PCDHGA1: variants seen among roughly 807,000 people sequenced by gnomAD.
The protein encoded by PCDHGA1 is protocadherin gamma-A1.
Under a neutral mutation model 58.0 loss-of-function variants are expected in PCDHGA1, and 32 were observed. The observed-to-expected ratio is 0.55, with a 90% confidence interval of 0.42 to 0.74. PCDHGA1 has a LOEUF of 0.74. PCDHGA1 is among the 30% of genes least tolerant of loss of function. PCDHGA1 has a pLI of 0.00. For synonymous variants in PCDHGA1, 498 were observed against 501.1 expected (o/e 0.99, Z 0.08); for missense variants, 1,205 against 1,182.3 (o/e 1.02, Z -0.28).
chr5:141,357,861 A>G (rs1390320754), intron 1 of PCDHGA1: 3 of 586,608 alleles, frequency 5.1e-6, no homozygotes, highest in Non-Finnish European at 8.7e-6. Context: ...AGAATTTTCT[A>G]ATTTTACAAC....
Position 141,485,920 on chromosome 5 carries a change from T to C in PCDHGA1, c.2422-8887T>C, listed in dbSNP as rs1374948804. ...CCTTCCAGCAATCCAGCTACAGGAT[T>C]AGTGTGTTGGAGAGCGCACCAGCGG... On this transcript the variant is annotated intron_variant, in intron 1 of 3. Transcript: ENST00000517417. This position sits in a 1 kb window ranked among gnomAD's most constrained non-coding sequence, Gnocchi z 5.7. 1.2e-6 allele frequency: 2 copies of C among 1,614,038 alleles called. No individual in the cohort carries two copies. Among genetic ancestry groups the C allele is most frequent in the Non-Finnish European group, 1.7e-6 (2 of 1,180,010 alleles).
intron 1 of PCDHGA1, chr5:141,439,845 T>C (rs983341549): frequency 6.6e-6 from 1 of 152,252 alleles, no homozygotes; most frequent in Non-Finnish European, 1.5e-5. Flanking sequence ...ACTCTAACTG[T>C]GGAAAAGGTG....
chr5:141,422,703 G>GA, intron 1 of PCDHGA1: 1 of 1,603,132 alleles, frequency 6.2e-7, no homozygotes, highest in African/African-American at 1.3e-5. Context: ...CTTACTCTCT[G>GA]ACGGATGACA....
intron 1 of PCDHGA1, chr5:141,372,483 G>C: frequency 1.2e-6 from 2 of 1,614,028 alleles, no homozygotes; most frequent in Non-Finnish European, 1.7e-6. Flanking sequence ...AGTGGCGTTG[G>C]CCTTGATCTC....
At chr5:141,392,644 A>C in intron 1 of PCDHGA1, 1 of 663,560 alleles carries the variant, frequency 1.5e-6, no homozygotes, top group Non-Finnish European at 2.4e-6. Flanking sequence ...CACCTCACGA[A>C]GACCCGCAGA....
intron 1 of PCDHGA1, among the ~76,000 whole-genome samples, chr5:141,453,288 ATTATTTATTTAT>A (rs577328880): frequency 6.6e-6 from 1 of 151,342 alleles, no homozygotes; most frequent in African/African-American, 2.4e-5. Context: ...TAATTTTTTA[ATTATTTATTTAT>A]TTATTTATTT....
intron 1 of PCDHGA1, chr5:141,345,811 C>T (rs1757645365): frequency 6.2e-6 from 10 of 1,613,738 alleles, no homozygotes; most frequent in Non-Finnish European, 8.5e-6. Flanking sequence ...AAGGTGGTGG[C>T]GGTGGACAGA....
intron 1 of PCDHGA1, among the ~76,000 whole-genome samples, chr5:141,469,522 C>T (rs1409427974): frequency 2.6e-5 from 4 of 152,088 alleles, no homozygotes; most frequent in African/African-American, 9.7e-5. Flanking sequence ...TTGCAGTGAG[C>T]CAAGATTGTG....
Position 141,350,513 on chromosome 5 carries a change from G to A in PCDHGA1, c.2421+17408G>A, listed in dbSNP as rs750772635. 45 of 1,613,992 alleles carry A rather than the reference G, an allele frequency of 2.8e-5. 1 individual carries two copies. The South Asian group carries it at 4.3e-4, about 15-fold the overall frequency. ...GGAGAGCGGGGATTTGTTAGTGAAC[G>A]GTAGGATAGATCGAGAGAAGATTTG... On this transcript the variant is annotated intron_variant, in intron 1 of 3. Coordinates refer to ENST00000517417, the MANE Select transcript of PCDHGA1 (RefSeq NM_018912.3).
intron 1 of PCDHGA1, among the ~76,000 whole-genome samples, chr5:141,435,043 C>T (rs2097739230): frequency 1.3e-5 from 2 of 151,658 alleles, no homozygotes; most frequent in African/African-American, 2.4e-5. Flanking sequence ...ATTTTTTTCC[C>T]ATTGACCATG....
intron 1 of PCDHGA1, chr5:141,341,513 A>C (rs1203166693): frequency 2.6e-6 from 4 of 1,530,834 alleles, no homozygotes; most frequent in Non-Finnish European, 3.5e-6. Context: ...AGTTTTAGGA[A>C]GTGAGTCTTG....
intron 2 of PCDHGA1, among the ~76,000 whole-genome samples, chr5:141,502,537 G>A (rs900570745): frequency 2.0e-5 from 3 of 152,042 alleles, no homozygotes; most frequent in Admixed American, 6.6e-5. Context: ...GTTTGTTCGT[G>A]TGGTAAAAAC....
In PCDHGA1 at chr5:141,399,908, C is replaced by T. The variant is rs141997055; in HGVS notation, c.2421+66803C>T. 17,269 of 1,612,412 alleles carry T rather than the reference C, an allele frequency of 0.011. 105 individuals are homozygous for T. Among genetic ancestry groups the T allele is most frequent in the Non-Finnish European group, 0.012 (14,309 of 1,179,754 alleles). On this transcript the variant is annotated intron_variant, in intron 1 of 3. Transcript: ENST00000517417. ...AAGGTAGTGGCCGTGGACGCAGACT[C>T]AGGACACAACGCCTGGCTGTCCTAC... is the stretch of plus-strand genomic sequence containing the variant.
chr5:141,418,452 A>C (rs2096259372), intron 1 of PCDHGA1: 5 of 1,614,024 alleles, frequency 3.1e-6, no homozygotes, highest in Non-Finnish European at 4.2e-6. Context: ...GTATTGCAGA[A>C]GACTCTGGAC....
chr5:141,452,360 C>A (rs1045666881), intron 1 of PCDHGA1, among the ~76,000 whole-genome samples: 3 of 152,172 alleles, frequency 2.0e-5, no homozygotes, highest in Non-Finnish European at 4.4e-5. Flanking sequence ...AAAAGCCTTG[C>A]TTCATTTTAG....
intron 1 of PCDHGA1, chr5:141,384,943 G>A (rs777478209): frequency 5.6e-6 from 9 of 1,613,996 alleles, no homozygotes; most frequent in African/African-American, 2.7e-5. Context: ...TGAGCCCTCC[G>A]ACGGTCCTTA....
In PCDHGA1 at chr5:141,383,904, C is replaced by T. The variant is rs759650044; in HGVS notation, c.2421+50799C>T. ...GTCTGACAAAGGCAAAAGTACTGAT[C>T]ACAGTTTTAGATGTAAATGATAATG... On this transcript the variant is annotated intron_variant, in intron 1 of 3. Coordinates refer to ENST00000517417, the MANE Select transcript of PCDHGA1 (RefSeq NM_018912.3). The T allele has an allele frequency of 1.1e-5, 18 of 1,613,626 alleles. No homozygotes were observed. The South Asian group carries it at 1.8e-4, about 16-fold the overall frequency.
At chr5:141,428,196 C>A in intron 1 of PCDHGA1, 2 of 1,383,704 alleles carry the variant, frequency 1.4e-6, no homozygotes, top group Non-Finnish European at 2.0e-6. Context: ...CCGCTCTCTG[C>A]GCCGCTACGC....
intron 1 of PCDHGA1, 25 bp downstream of exon 1, chr5:141,333,130 A>G: frequency 4.3e-6 from 7 of 1,613,588 alleles, no homozygotes; most frequent in Non-Finnish European, 5.9e-6. Context: ...TGAATGTATC[A>G]GCTATCTAGA....
Sources: gnomAD v4.1 joint callset for allele counts (sites outside exome capture counted in the v4.1 genomes callset) on GRCh38, gnomAD v4.1.1 for gene constraint, Gnocchi (gnomAD v3.1) non-coding constraint, MANE v1.5 for transcripts, NCBI Gene and HGNC (gene_info 2026-07-23, HGNC 2026-07-21) for gene names.